LPIN1: variants seen among roughly 807,000 people sequenced by gnomAD.
LPIN1 encodes the protein phosphatidate phosphatase LPIN1.
Under a neutral mutation model 107.5 loss-of-function variants are expected in LPIN1, and 71 were observed. The observed-to-expected ratio is 0.66, with a 90% confidence interval of 0.55 to 0.80. The LOEUF (loss-of-function observed/expected upper bound fraction) is 0.80. Ranked by LOEUF, LPIN1 falls within the 30% of genes least tolerant of loss-of-function variation. LPIN1 has a pLI of 0.00. For synonymous variants in LPIN1, 445 were observed against 452.6 expected, an observed-to-expected ratio of 0.98 and a Z score of 0.21; for missense variants, 1,043 against 1,160.6, an observed-to-expected ratio of 0.90 and a Z score of 1.47.
At chr2:11,695,579 C>A (rs538808555) in intron 1 of LPIN1, among the ~76,000 whole-genome samples, 18 of 152,336 alleles carry the variant, frequency 1.2e-4, no homozygotes, top group Middle Eastern at 3.4e-3. Context: ...ACTTCAGGTT[C>A]TTTCCTCACA....
chr2:11,788,837 T>TGTGTCAA lies in LPIN1; in HGVS notation c.1713+395_1713+401dup, dbSNP rs1055927035. 1.3e-3 allele frequency among the ~76,000 whole-genome samples: 197 copies of TGTGTCAA among 152,276 alleles called. 2 individuals are homozygous for TGTGTCAA. Among genetic ancestry groups the TGTGTCAA allele is most frequent in the Admixed American group, 0.013 (193 of 15,296 alleles). On this transcript the variant is annotated intron_variant, in intron 12 of 20. Transcript: ENST00000674199. Reference sequence around the variant, plus strand: ...GCATCAGGGTCAGGTGCAGGTGCCCTGTGTCAAGTGTCAAGTGTCAGTGTC... The same window carrying TGTGTCAA: ...GCATCAGGGTCAGGTGCAGGTGCCCTGTGTCAAGTGTCAAGTGTCAAGTGTCAGTGTC...
intron 17 of LPIN1, among the ~76,000 whole-genome samples, chr2:11,808,870 CAA>C (rs1205659703): frequency 2.8e-4 from 21 of 74,034 alleles, no homozygotes; most frequent in Admixed American, 4.6e-4. Flanking sequence ...GACACCATCT[CAA>C]AAAAAAAAAA....
chr2:11,788,566 G>A, intron 12 of LPIN1, 110 bp downstream of exon 12: 1 of 861,350 alleles, frequency 1.2e-6, no homozygotes, highest in South Asian at 1.4e-5. Flanking sequence ...TAATTCCACT[G>A]TGCTCTTTTG....
intron 12 of LPIN1, among the ~76,000 whole-genome samples, chr2:11,789,971 T>C (rs1675431187): frequency 6.7e-6 from 1 of 148,464 alleles, no homozygotes; most frequent in South Asian, 2.1e-4. Flanking sequence ...ATCTTATCTT[T>C]TATGGCTGTT....
intron 1 of LPIN1, among the ~76,000 whole-genome samples, chr2:11,725,905 A>G (rs1251793961): frequency 3.9e-5 from 6 of 152,236 alleles, no homozygotes; most frequent in Non-Finnish European, 7.3e-5. Flanking sequence ...AGGACATTTA[A>G]GAGATAAAGC....
intron 1 of LPIN1, among the ~76,000 whole-genome samples, chr2:11,739,857 AC>A (rs1191053140): frequency 8.5e-5 from 13 of 152,360 alleles, no homozygotes; most frequent in Non-Finnish European, 1.6e-4. Context: ...TATTTATATA[AC>A]CATATGCGAA....
intron 12 of LPIN1, among the ~76,000 whole-genome samples, chr2:11,789,309 G>A (rs1675227204): frequency 6.6e-6 from 1 of 151,912 alleles, no homozygotes; most frequent in Non-Finnish European, 1.5e-5. Context: ...GTGTCAGTGT[G>A]TGCTCATGTG....
chr2:11,780,241 A>T (rs1317462629), intron 7 of LPIN1, among the ~76,000 whole-genome samples: 1 of 152,292 alleles, frequency 6.6e-6, no homozygotes, highest in South Asian at 2.1e-4. Context: ...CAACTTACAC[A>T]CAATCTTGCT....
intron 1 of LPIN1, among the ~76,000 whole-genome samples, chr2:11,733,514 G>A (rs916620533): frequency 3.0e-5 from 3 of 99,374 alleles, no homozygotes; most frequent in African/African-American, 1.2e-4. Flanking sequence ...TTTTTTTTTT[G>A]ACAAAGTCTT....
upstream of LPIN1, among the ~76,000 whole-genome samples, chr2:11,743,640 A>G (rs1666592104): frequency 6.6e-6 from 1 of 152,188 alleles, no homozygotes; most frequent in Non-Finnish European, 1.5e-5. This position sits in a 1 kb window ranked among gnomAD's most constrained non-coding sequence, Gnocchi z 4.7. Context: ...AGCCCCAGGC[A>G]CTGGTGCCAG....
chr2:11,741,223 C>A, intron 1 of LPIN1: 1 of 621,878 alleles, frequency 1.6e-6, no homozygotes, highest in Non-Finnish European at 2.8e-6. Flanking sequence ...GGGAGTCCTG[C>A]CCCAGCTGTG....
In LPIN1 at chr2:11,819,488, G is replaced by A. The variant is rs777956769; in HGVS notation, c.2407G>A (p.Val803Met). Residue 803 changes from valine (V) to methionine (M), a missense_variant, in exon 19 of 21, where the codon GTG becomes ATG. By Grantham distance (21) the Val-to-Met change is conservative. Coordinates refer to ENST00000674199, the MANE Select transcript of LPIN1 (RefSeq NM_001349206.2). ...SSLFSALHRE[V>M]IEKKPEKFKV... is the part of the protein sequence containing the mutation. ...TGTTATTTATTTGTTTAACAGAGAA[G>A]TGATTGAAAAGAAGCCAGAAAAGTT... 5 of 1,593,288 alleles carry A rather than the reference G, an allele frequency of 3.1e-6. No homozygotes were observed. Among genetic ancestry groups the A allele is most frequent in the Non-Finnish European group, 4.3e-6 (5 of 1,160,970 alleles).
intron 20 of LPIN1, among the ~76,000 whole-genome samples, chr2:11,823,950 G>A (rs572492017): frequency 5.3e-4 from 80 of 152,280 alleles, no homozygotes; most frequent in African/African-American, 1.8e-3. Flanking sequence ...TCTCTTGACC[G>A]TCATGCCAAC....
At chr2:11,714,299 C>T (rs1663591187) in intron 2 of LPIN1, among the ~76,000 whole-genome samples, 2 of 152,240 alleles carry the variant, frequency 1.3e-5, no homozygotes, top group African/African-American at 4.8e-5. Flanking sequence ...GCACCTGGTT[C>T]CCAGGCTTTG....
At chr2:11,729,741 A>G (rs758978185) in intron 1 of LPIN1, among the ~76,000 whole-genome samples, 1 of 152,092 alleles carries the variant, frequency 6.6e-6, no homozygotes, top group Non-Finnish European at 1.5e-5. Flanking sequence ...TTGTTCCTCT[A>G]TATAATTTGC....
intron 17 of LPIN1, among the ~76,000 whole-genome samples, chr2:11,809,971 T>A (rs1679373488): frequency 6.6e-6 from 1 of 152,184 alleles, no homozygotes; most frequent in Admixed American, 6.5e-5. Flanking sequence ...TTAGGCTAGA[T>A]GACCCCTGAG....
intron 1 of LPIN1, among the ~76,000 whole-genome samples, chr2:11,691,653 G>A (rs1662278877): frequency 6.6e-6 from 1 of 152,160 alleles, no homozygotes; most frequent in South Asian, 2.1e-4. Context: ...TGTGGGCTTG[G>A]ATCAGAGGGG....
intron 14 of LPIN1, among the ~76,000 whole-genome samples, chr2:11,801,529 C>T (rs1677726862): frequency 6.6e-6 from 1 of 152,094 alleles, no homozygotes; most frequent in South Asian, 2.1e-4. Context: ...CGTGTTCTTA[C>T]TCATATGTGG....
intron 17 of LPIN1, 91 bp downstream of exon 17, chr2:11,805,247 G>A (rs1203319482): frequency 9.7e-7 from 1 of 1,030,930 alleles, no homozygotes; most frequent in Non-Finnish European, 1.5e-6. Flanking sequence ...CCAGCACGGG[G>A]TGACTTGCAG....
Sources: allele counts gnomAD v4.1 joint callset (sites outside exome capture counted in the v4.1 genomes callset), GRCh38; gene constraint gnomAD v4.1.1; non-coding constraint Gnocchi (gnomAD v3.1); transcripts MANE v1.5; gene names NCBI Gene and HGNC (gene_info 2026-07-23, HGNC 2026-07-21).